The following TCF7L1 variants were observed in gnomAD, a reference collection of about 807,000 sequenced individuals.
TCF7L1 encodes the protein transcription factor 7 like 1, also known as transcription factor 7-like 1.
In TCF7L1, 18 loss-of-function variants were observed where a neutral mutation model predicts 63.7. That is an observed-to-expected ratio of 0.28 (90% CI 0.20 to 0.42). The LOEUF (loss-of-function observed/expected upper bound fraction) is 0.42. TCF7L1 is among the 10% of genes least tolerant of loss of function. TCF7L1 has a pLI of 1.00. For missense variants in TCF7L1, 654 were observed against 779.3 expected (o/e 0.84, Z 1.91); for synonymous variants, 355 against 340.9 (o/e 1.04, Z -0.46).
intron 7 of TCF7L1, among the ~76,000 whole-genome samples, chr2:85,304,959 G>A (rs1682073239): frequency 6.6e-6 from 1 of 152,142 alleles, no homozygotes; most frequent in African/African-American, 2.4e-5. Context: ...GCTGCCCACA[G>A]CCTAAGCCCT....
chr2:85,307,318 C>T (rs1682138703), intron 10 of TCF7L1, among the ~76,000 whole-genome samples: 1 of 152,158 alleles, frequency 6.6e-6, no homozygotes. Flanking sequence ...TCAAAGGGAC[C>T]TGGGACCCCT....
At chr2:85,275,559 T>G (rs536676750) in intron 3 of TCF7L1, among the ~76,000 whole-genome samples, 1 of 152,334 alleles carries the variant, frequency 6.6e-6, no homozygotes, top group South Asian at 2.1e-4. Flanking sequence ...GCATGGGCTT[T>G]AAAGCCATTT....
At chr2:85,144,978 G>T (rs112745129) in intron 3 of TCF7L1, among the ~76,000 whole-genome samples, 1 of 151,400 alleles carries the variant, frequency 6.6e-6, no homozygotes, top group Non-Finnish European at 1.5e-5. Context: ...CCAGCTACTC[G>T]GGAGGCTGAG....
chr2:85,305,070 G>A lies in TCF7L1; in HGVS notation c.846-190G>A, dbSNP rs540653827. The stretch of plus-strand genomic sequence containing the variant: ...GATGGGCAGCCTGGGTGTTGGTGGG[G>A]AGAAGGAAGAGCCATTAAGCATCTC... On this transcript the variant is annotated intron_variant, in intron 7 of 11. Coordinates refer to ENST00000282111, the MANE Select transcript of TCF7L1 (RefSeq NM_031283.3). Among the ~76,000 whole-genome samples the A allele has an allele frequency of 2.0e-5, 3 of 152,190 alleles. No homozygotes were observed. The East Asian group carries it at 5.8e-4, about 29-fold the overall frequency.
chr2:85,171,310 G>T (rs1270434247), intron 3 of TCF7L1, among the ~76,000 whole-genome samples: 1 of 152,132 alleles, frequency 6.6e-6, no homozygotes, highest in Non-Finnish European at 1.5e-5. Flanking sequence ...ATTTAGGTGG[G>T]GTCAGAGCCA....
intron 3 of TCF7L1, among the ~76,000 whole-genome samples, chr2:85,174,279 CA>C (rs1316065727): frequency 6.6e-6 from 1 of 152,132 alleles, no homozygotes; most frequent in African/African-American, 2.4e-5. Context: ...CTGGTGTTTT[CA>C]AGGTTCCTCT....
At chr2:85,215,618 G>C (rs1326186820) in intron 3 of TCF7L1, among the ~76,000 whole-genome samples, 1 of 152,180 alleles carries the variant, frequency 6.6e-6, no homozygotes, top group African/African-American at 2.4e-5. Flanking sequence ...GGAATGGCCG[G>C]GGGTGGGAGC....
intron 3 of TCF7L1, among the ~76,000 whole-genome samples, chr2:85,271,799 G>A (rs1471961755): frequency 1.3e-5 from 2 of 152,334 alleles, no homozygotes; most frequent in East Asian, 1.9e-4. Flanking sequence ...AGGCAGTCCT[G>A]TAAGAATGAG....
Position 85,245,833 on chromosome 2 carries a change from T to TA in TCF7L1, c.442-37647dup, listed in dbSNP as rs58364125. Among the ~76,000 whole-genome samples the TA allele has an allele frequency of 3.5e-3, 460 of 131,204 alleles. 3 individuals are homozygous for TA. The highest frequency in any genetic ancestry group is 0.024 in the South Asian group (94 of 3,984). The allele number at this position is 131,204 out of a possible 152,430, so 86.1% of individuals were successfully genotyped here. A position where few individuals can be genotyped will look rare whatever the true frequency, so the allele number is the denominator to read the frequency against. ...CCATCTCAAAAAAAAATTAATTAAT[T>TA]AAAAAAAAAAAAAAACAGACCAACA... On this transcript the variant is annotated intron_variant, in intron 3 of 11. Transcript: ENST00000282111.
chr2:85,202,067 A>T (rs951882349), intron 3 of TCF7L1, among the ~76,000 whole-genome samples: 2 of 152,200 alleles, frequency 1.3e-5, no homozygotes, highest in African/African-American at 4.8e-5. Flanking sequence ...AATTCAAGTG[A>T]TTCTCCTGCC....
Position 85,284,765 on chromosome 2 carries a change from C to T in TCF7L1, c.525+1187C>T, listed in dbSNP as rs531826319. Among the ~76,000 whole-genome samples, 13 of 152,212 alleles carry T rather than the reference C, an allele frequency of 8.5e-5. No homozygotes were observed. The South Asian group carries it at 1.7e-3, about 19-fold the overall frequency. On this transcript the variant is annotated intron_variant, in intron 4 of 11. Coordinates refer to ENST00000282111, the MANE Select transcript of TCF7L1 (RefSeq NM_031283.3). ...TTACTGCCCTGTACTAGGTATTAGG[C>T]GTTGGGCTTCTATGATGTTTATTAA... is the stretch of plus-strand genomic sequence containing the variant.
At chr2:85,212,185 T>C (rs1679569095) in intron 3 of TCF7L1, among the ~76,000 whole-genome samples, 2 of 149,750 alleles carry the variant, frequency 1.3e-5, no homozygotes, top group Non-Finnish European at 3.0e-5. Flanking sequence ...TCCTACACGG[T>C]AACAGTCAGC....
rs538616619 is a variant in TCF7L1, at chr2:85,226,020, G to A, written c.442-57475G>A. 1.9e-4 allele frequency among the ~76,000 whole-genome samples: 29 copies of A among 152,230 alleles called. 1 individual carries two copies. The highest frequency in any genetic ancestry group is 1.3e-3 in the Admixed American group (20 of 15,282). ...GAATTTTGTTGAAGGCCTTTTCTGC[G>A]TCTATTGAGATAATCACGTGGTTTT... On this transcript the variant is annotated intron_variant, in intron 3 of 11. Transcript: ENST00000282111.
intron 4 of TCF7L1, among the ~76,000 whole-genome samples, chr2:85,293,221 A>C (rs1393522795): frequency 6.6e-6 from 1 of 152,202 alleles, no homozygotes; most frequent in African/African-American, 2.4e-5. Flanking sequence ...TCTAACTGTA[A>C]TCCCCAATGT....
intron 3 of TCF7L1, among the ~76,000 whole-genome samples, chr2:85,232,233 G>T (rs895513699): frequency 1.3e-5 from 2 of 152,162 alleles, no homozygotes; most frequent in African/African-American, 4.8e-5. Flanking sequence ...TCTGCTCTGT[G>T]TGTGTTTGTT....
intron 3 of TCF7L1, among the ~76,000 whole-genome samples, chr2:85,208,616 C>G (rs535308612): frequency 6.6e-6 from 1 of 152,264 alleles, no homozygotes; most frequent in African/African-American, 2.4e-5. Flanking sequence ...GTGTGTCTAT[C>G]TTGTCTCATG....
intron 3 of TCF7L1, among the ~76,000 whole-genome samples, chr2:85,257,206 C>G (rs1014696266): frequency 1.4e-4 from 22 of 152,186 alleles, no homozygotes; most frequent in Admixed American, 1.0e-3. Context: ...AGAACAAAAT[C>G]CTGTCTTAAA....
chr2:85,182,242 G>A (rs1448281520), intron 3 of TCF7L1, among the ~76,000 whole-genome samples: 4 of 152,212 alleles, frequency 2.6e-5, no homozygotes. Context: ...GGCACGGTCT[G>A]TTCTGCAGTC....
chr2:85,191,566 C>T (rs1271629368), intron 3 of TCF7L1, among the ~76,000 whole-genome samples: 1 of 152,214 alleles, frequency 6.6e-6, no homozygotes, highest in African/African-American at 2.4e-5. Context: ...GTGACTCATG[C>T]CTGTAATCCC....
Sources: allele counts gnomAD v4.1 joint callset (sites outside exome capture counted in the v4.1 genomes callset), GRCh38; gene constraint gnomAD v4.1.1; transcripts MANE v1.5; gene names NCBI Gene and HGNC (gene_info 2026-07-23, HGNC 2026-07-21).